The following ARMC8 variants were observed in gnomAD, a reference collection of about 807,000 sequenced individuals.
The protein encoded by ARMC8 is armadillo repeat-containing protein 8.
In ARMC8, 20 loss-of-function variants were observed where a neutral mutation model predicts 99.3. The ratio of observed to expected loss-of-function variants is 0.20; its 90% CI spans 0.14 to 0.29. The LOEUF (loss-of-function observed/expected upper bound fraction) is 0.29. ARMC8 is among the 10% of genes least tolerant of loss of function. ARMC8 has a pLI of 1.00. For missense variants in ARMC8, 569 were observed against 809.5 expected (o/e 0.70, Z 3.60); for synonymous variants, 263 against 278.3 (o/e 0.95, Z 0.55).
At chr3:138,282,044 G>A (rs1274629615) in intron 18 of ARMC8, among the ~76,000 whole-genome samples, 1 of 152,182 alleles carries the variant, frequency 6.6e-6, no homozygotes, top group South Asian at 2.1e-4. Context: ...ATTCTTCCAT[G>A]TGCTGCCCCC....
chr3:138,262,407 G>A lies in ARMC8; in HGVS notation c.1135-1332G>A, dbSNP rs183944756. ...ATCTACAGCTAAAATGTGGTTCCCT[G>A]TTCTTAATAGATGATATTTTCCCTG... On this transcript the variant is annotated intron_variant, in intron 12 of 21. Coordinates refer to ENST00000469044, the MANE Select transcript of ARMC8 (RefSeq NM_001363941.2). 2.3e-5 allele frequency: 25 copies of A among 1,073,102 alleles called. No homozygotes were observed. In the African/African-American group the frequency reaches 3.8e-4, roughly 16 times the overall value. 66.5% of individuals were successfully genotyped at this position (1,073,102 alleles called of 1,614,324 possible). A position where few individuals can be genotyped will look rare whatever the true frequency, so the allele number is the denominator to read the frequency against.
intron 18 of ARMC8, among the ~76,000 whole-genome samples, chr3:138,279,095 A>G (rs746184417): frequency 1.3e-5 from 2 of 152,214 alleles, no homozygotes; most frequent in Non-Finnish European, 2.9e-5. Context: ...TTTGTTCCCA[A>G]TATTAGAGAA....
In ARMC8 at chr3:138,241,915, C is replaced by G; in HGVS notation, c.970C>G (p.Leu324Val). The change falls in exon 11 of 22, where the codon CTC becomes GTC. Residue 324 changes from leucine (L) to valine (V), a missense_variant. Leu to Val is a conservative substitution (Grantham distance 32). Transcript: ENST00000469044. Reference sequence around the variant, plus strand: ...GAGAATCGCTAGCATAACTGATCACCTCATTGCCATGCTTGCTGATTATTT... The same window carrying G: ...GAGAATCGCTAGCATAACTGATCACGTCATTGCCATGCTTGCTGATTATTT... ...LQRIASITDH[L>V]IAMLADYFKY... is the part of the protein sequence containing the mutation. 1.2e-6 allele frequency: 2 copies of G among 1,614,082 alleles called. No individual in the cohort carries two copies. The highest frequency in any genetic ancestry group is 1.7e-6 in the Non-Finnish European group (2 of 1,179,976).
At chr3:138,256,727 C>G (rs898749678) in intron 12 of ARMC8, among the ~76,000 whole-genome samples, 2 of 152,042 alleles carry the variant, frequency 1.3e-5, no homozygotes, top group African/African-American at 4.8e-5. Flanking sequence ...CCTTCTTGTT[C>G]AGTTTATTAA....
At chr3:138,250,278 CA>C (rs530368624) in intron 12 of ARMC8, among the ~76,000 whole-genome samples, 138 of 151,614 alleles carry the variant, frequency 9.1e-4, no homozygotes, top group African/African-American at 3.0e-3. Context: ...AATAGGTGCT[CA>C]ATAAATGGAA....
intron 1 of ARMC8, among the ~76,000 whole-genome samples, chr3:138,192,515 GAT>G (rs2043452934): frequency 6.6e-6 from 1 of 151,958 alleles, no homozygotes; most frequent in Admixed American, 6.6e-5. Context: ...CTGACCTCAT[GAT>G]TCACCCTTCT....
intron 21 of ARMC8, among the ~76,000 whole-genome samples, chr3:138,294,762 T>C (rs1479813134): frequency 6.6e-6 from 1 of 152,178 alleles, no homozygotes; most frequent in Non-Finnish European, 1.5e-5. Flanking sequence ...AACTTTACCA[T>C]GTTTGTGATA....
intron 6 of ARMC8, among the ~76,000 whole-genome samples, chr3:138,231,268 A>C (rs1290203730): frequency 6.6e-6 from 1 of 152,128 alleles, no homozygotes; most frequent in African/African-American, 2.4e-5. Flanking sequence ...AAACCCTTTT[A>C]TTTTCATGTT....
intron 12 of ARMC8, among the ~76,000 whole-genome samples, chr3:138,256,662 G>A (rs371365297): frequency 1.3e-4 from 19 of 151,844 alleles, no homozygotes; most frequent in African/African-American, 3.6e-4. Flanking sequence ...TGCCCGCCTC[G>A]GCCTCCCAAA....
intron 21 of ARMC8, among the ~76,000 whole-genome samples, chr3:138,293,903 A>C (rs949508281): frequency 2.0e-5 from 3 of 152,162 alleles, no homozygotes; most frequent in Non-Finnish European, 4.4e-5. Context: ...TTTTCACATA[A>C]GTTTTTAGCT....
chr3:138,232,182 G>T (rs764232356), intron 6 of ARMC8, among the ~76,000 whole-genome samples: 2 of 151,136 alleles, frequency 1.3e-5, no homozygotes, highest in Non-Finnish European at 2.9e-5. Context: ...CACCATGTTG[G>T]CCAGGCTGGT....
chr3:138,231,371 CTT>C (rs1257098252), intron 6 of ARMC8, among the ~76,000 whole-genome samples: 1 of 151,908 alleles, frequency 6.6e-6, no homozygotes, highest in Non-Finnish European at 1.5e-5. Flanking sequence ...AATGACAAAA[CTT>C]AAAATTACTA....
At chr3:138,271,215 T>C (rs954356369) in intron 16 of ARMC8, among the ~76,000 whole-genome samples, 1 of 152,242 alleles carries the variant, frequency 6.6e-6, no homozygotes, top group Non-Finnish European at 1.5e-5. Flanking sequence ...TGCACAGCTT[T>C]TAGCACTTCT....
chr3:138,243,356 GA>G (rs2046720493), intron 11 of ARMC8, among the ~76,000 whole-genome samples: 1 of 152,102 alleles, frequency 6.6e-6, no homozygotes. Flanking sequence ...TTTGATGATG[GA>G]TTATCCAAAG....
chr3:138,292,685 G>A (rs549290190), intron 21 of ARMC8, among the ~76,000 whole-genome samples: 2 of 152,248 alleles, frequency 1.3e-5, no homozygotes, highest in South Asian at 4.2e-4. Flanking sequence ...TCTTGTTTGG[G>A]TATGCCAGCG....
chr3:138,285,589 C>G (rs2050332055), intron 19 of ARMC8, among the ~76,000 whole-genome samples: 1 of 152,306 alleles, frequency 6.6e-6, no homozygotes, highest in South Asian at 2.1e-4. Context: ...TCTTACTGGA[C>G]TCTTGCCCTT....
intron 12 of ARMC8, among the ~76,000 whole-genome samples, chr3:138,262,839 G>A (rs2047889057): frequency 6.6e-6 from 1 of 152,196 alleles, no homozygotes; most frequent in Admixed American, 6.5e-5. Flanking sequence ...ACCTTAACCA[G>A]GGCTGTATTA....
Position 138,246,642 on chromosome 3 carries a change from C to A in ARMC8, c.1134+1459C>A, listed in dbSNP as rs1266065027. ...TCTCATGGACTGAAAGGTAGATAGA[C>A]AGATGGACCACAATGGGAAATAGGA... On this transcript the variant is annotated intron_variant, in intron 12 of 21. Coordinates refer to ENST00000469044, the MANE Select transcript of ARMC8 (RefSeq NM_001363941.2). The A allele has an allele frequency of 3.0e-6, 3 of 985,626 alleles. No homozygotes were observed. The African/African-American group carries it at 5.2e-5, about 17-fold the overall frequency. The allele number at this position is 985,626 out of a possible 1,614,324, so 61.1% of individuals were successfully genotyped here. A position where few individuals can be genotyped will look rare whatever the true frequency, so the allele number is the denominator to read the frequency against.
At chr3:138,274,255 G>A (rs1463821803) in intron 17 of ARMC8, among the ~76,000 whole-genome samples, 194 bp from the exon 18 acceptor site, 1 of 152,034 alleles carries the variant, frequency 6.6e-6, no homozygotes, top group East Asian at 1.9e-4. Flanking sequence ...GTGTGTGTGT[G>A]TGTGTATGAC....
Sources: allele counts gnomAD v4.1 joint callset (sites outside exome capture counted in the v4.1 genomes callset), GRCh38; gene constraint gnomAD v4.1.1; transcripts MANE v1.5; gene names NCBI Gene and HGNC (gene_info 2026-07-23, HGNC 2026-07-21).